ZNF385B: variants seen among roughly 807,000 people sequenced by gnomAD.
ZNF385B encodes zinc finger protein 533.
ZNF385B carries 23 observed loss-of-function variants against 39.2 expected under a neutral mutation model. The ratio of observed to expected loss-of-function variants is 0.59; its 90% CI spans 0.42 to 0.83. The LOEUF is 0.83. ZNF385B is among the 40% of genes least tolerant of loss of function. ZNF385B has a pLI of 0.00. For synonymous variants in ZNF385B, 205 were observed against 222.6 expected (o/e 0.92, Z 0.70); for missense variants, 552 against 598.9 (o/e 0.92, Z 0.82).
chr2:179,776,029 C>A (rs1704292663), intron 1 of ZNF385B, among the ~76,000 whole-genome samples: 1 of 152,228 alleles, frequency 6.6e-6, no homozygotes, highest in African/African-American at 2.4e-5. Flanking sequence ...AACATGACCA[C>A]ATCTTACCTC....
At chr2:179,744,356 A>G (rs1267024160) in intron 3 of ZNF385B, among the ~76,000 whole-genome samples, 1 of 151,438 alleles carries the variant, frequency 6.6e-6, no homozygotes, top group African/African-American at 2.4e-5. Context: ...AGCAGAAGCT[A>G]TCGGCTTTGA....
chr2:179,632,116 C>G (rs565679302), intron 3 of ZNF385B, among the ~76,000 whole-genome samples: 2 of 152,138 alleles, frequency 1.3e-5, no homozygotes, highest in Admixed American at 1.3e-4. Context: ...ACTTTAACAC[C>G]CCACTGTCAA....
intron 3 of ZNF385B, among the ~76,000 whole-genome samples, chr2:179,549,489 C>T (rs2060435589): frequency 6.7e-6 from 1 of 149,236 alleles, no homozygotes; most frequent in Admixed American, 6.7e-5. Flanking sequence ...TATACAGGAC[C>T]ACACAATAAT....
intron 3 of ZNF385B, among the ~76,000 whole-genome samples, chr2:179,622,135 A>G (rs1428340390): frequency 6.6e-6 from 1 of 152,180 alleles, no homozygotes; most frequent in Non-Finnish European, 1.5e-5. Context: ...TCAAATAAAA[A>G]GAAAAAATTA....
intron 3 of ZNF385B, among the ~76,000 whole-genome samples, chr2:179,589,616 A>G (rs371076275): frequency 1.3e-5 from 2 of 152,236 alleles, no homozygotes; most frequent in South Asian, 2.1e-4. Context: ...TCCTATTTGT[A>G]TATACCCACT....
chr2:179,659,285 A>G (rs892700411), intron 3 of ZNF385B, among the ~76,000 whole-genome samples: 5 of 152,294 alleles, frequency 3.3e-5, no homozygotes, highest in East Asian at 3.9e-4. Flanking sequence ...TCTTACGAAA[A>G]TGTTTGTTTT....
chr2:179,641,697 T>TA (rs34379786), intron 3 of ZNF385B, among the ~76,000 whole-genome samples: 119,234 of 150,742 alleles, frequency 0.79, 47,367 homozygotes, highest in East Asian at 0.96. Context: ...AACCCTTAAG[T>TA]AAAAAAAAAA....
chr2:179,657,231 A>C (rs1693881950), intron 3 of ZNF385B, among the ~76,000 whole-genome samples: 1 of 152,220 alleles, frequency 6.6e-6, no homozygotes, highest in African/African-American at 2.4e-5. Context: ...ATGATGAACA[A>C]GAAAACTTAG....
intron 3 of ZNF385B, among the ~76,000 whole-genome samples, chr2:179,624,767 C>A (rs1400952132): frequency 6.6e-6 from 1 of 152,118 alleles, no homozygotes; most frequent in Non-Finnish European, 1.5e-5. Flanking sequence ...CTAATTTCTA[C>A]CAAAGGATAT....
At chr2:179,696,643 C>T (rs1698785478) in intron 3 of ZNF385B, among the ~76,000 whole-genome samples, 1 of 152,082 alleles carries the variant, frequency 6.6e-6, no homozygotes, top group Non-Finnish European at 1.5e-5. Flanking sequence ...GCCCACCTAA[C>T]AGGTAGCTTA....
intron 3 of ZNF385B, among the ~76,000 whole-genome samples, chr2:179,639,486 T>C (rs929238082): frequency 2.0e-5 from 3 of 152,102 alleles, no homozygotes; most frequent in Non-Finnish European, 4.4e-5. Flanking sequence ...TCACAATGTA[T>C]ACAGATATCA....
intron 3 of ZNF385B, among the ~76,000 whole-genome samples, chr2:179,665,947 G>C (rs966774089): frequency 2.0e-5 from 3 of 152,068 alleles, no homozygotes; most frequent in Admixed American, 6.5e-5. Flanking sequence ...TGCTCTGACT[G>C]TTTATCCCAT....
At chr2:179,444,214 C>T (rs1161420635) in intron 9 of ZNF385B, among the ~76,000 whole-genome samples, 1 of 152,234 alleles carries the variant, frequency 6.6e-6, no homozygotes, top group Admixed American at 6.5e-5. Context: ...GGAAGGTAAT[C>T]TCAGAATTGC....
intron 3 of ZNF385B, among the ~76,000 whole-genome samples, chr2:179,561,666 G>A (rs1193249930): frequency 2.0e-5 from 3 of 151,168 alleles, no homozygotes; most frequent in Admixed American, 6.6e-5. Flanking sequence ...TAAAAGGTGG[G>A]GGAAAATAAA....
chr2:179,772,199 A>T (rs1480445174), intron 1 of ZNF385B, among the ~76,000 whole-genome samples: 1 of 152,216 alleles, frequency 6.6e-6, no homozygotes, highest in Non-Finnish European at 1.5e-5. Context: ...AAATATACAT[A>T]TTTTAAGTAG....
intron 3 of ZNF385B, among the ~76,000 whole-genome samples, chr2:179,733,938 C>A (rs577516032): frequency 4.6e-5 from 7 of 152,146 alleles, no homozygotes; most frequent in Admixed American, 1.3e-4. Context: ...TTTCCTGATC[C>A]CCTCCTCCTT....
At chr2:179,759,857 T>C (rs1279684544) in intron 3 of ZNF385B, among the ~76,000 whole-genome samples, 2 of 152,160 alleles carry the variant, frequency 1.3e-5, no homozygotes, top group Non-Finnish European at 2.9e-5. Flanking sequence ...ATATTTAAAA[T>C]AAGAAAAATC....
intron 3 of ZNF385B, among the ~76,000 whole-genome samples, chr2:179,607,240 G>A (rs1688881158): frequency 1.3e-5 from 2 of 152,096 alleles, no homozygotes; most frequent in Non-Finnish European, 2.9e-5. Context: ...TTGGCTCTGT[G>A]TCCCCACCCA....
chr2:179,500,197 C>T (rs2056628330), intron 5 of ZNF385B, among the ~76,000 whole-genome samples: 1 of 151,978 alleles, frequency 6.6e-6, no homozygotes, highest in Admixed American at 6.6e-5. Context: ...GTTAAAGTGT[C>T]CATACTACCC....
Sources: gnomAD v4.1 joint callset for allele counts (sites outside exome capture counted in the v4.1 genomes callset) on GRCh38, gnomAD v4.1.1 for gene constraint, MANE v1.5 for transcripts, NCBI Gene and HGNC (gene_info 2026-07-23, HGNC 2026-07-21) for gene names.